The following ABCA5 variants were observed in gnomAD, a reference collection of about 807,000 sequenced individuals.
The protein encoded by ABCA5 is cholesterol transporter ABCA5.
ABCA5 carries 163 observed loss-of-function variants against 206.0 expected under a neutral mutation model. The observed-to-expected ratio is 0.79, with a 90% CI of 0.70 to 0.90. The LOEUF (loss-of-function observed/expected upper bound fraction) is 0.90, where lower values mean the gene tolerates loss of function less well. Ranked by LOEUF, ABCA5 falls within the 40% of genes least tolerant of loss-of-function variation. ABCA5 has a pLI of 0.00. For missense variants in ABCA5, 1,859 were observed against 1,912.9 expected (o/e 0.97, Z 0.53); for synonymous variants, 609 against 613.8 (o/e 0.99, Z 0.11).
chr17:69,295,789 T>G (rs548514620), intron 10 of ABCA5, among the ~76,000 whole-genome samples: 23 of 152,324 alleles, frequency 1.5e-4, no homozygotes, highest in Admixed American at 1.5e-3. Context: ...AACATTTGTT[T>G]TTGGTATTTC....
At chr17:69,294,366 ACAAAAATT>A (rs2075562813) in intron 11 of ABCA5, among the ~76,000 whole-genome samples, 1 of 151,970 alleles carries the variant, frequency 6.6e-6, no homozygotes, top group Admixed American at 6.6e-5. Context: ...CCACAAAAAT[ACAAAAATT>A]AGCTGGGCAT....
At chr17:69,308,057 T>A (rs1227945345) in intron 5 of ABCA5, among the ~76,000 whole-genome samples, 1 of 152,156 alleles carries the variant, frequency 6.6e-6, no homozygotes, top group African/African-American at 2.4e-5. Flanking sequence ...GTAAGATTTT[T>A]AAAAATAAAT....
chr17:69,260,032 A>G (rs1375645890), intron 27 of ABCA5, among the ~76,000 whole-genome samples: 1 of 151,910 alleles, frequency 6.6e-6, no homozygotes, highest in East Asian at 1.9e-4. Flanking sequence ...CCTCTGTATC[A>G]TTCATTTATT....
chr17:69,302,104 T>C (rs542154829), intron 8 of ABCA5, among the ~76,000 whole-genome samples: 1 of 152,316 alleles, frequency 6.6e-6, no homozygotes, highest in Admixed American at 6.5e-5. Context: ...TAATTTCTTA[T>C]ATTTAGTAAT....
At chr17:69,259,467 T>C (rs2075121103) in intron 28 of ABCA5, among the ~76,000 whole-genome samples, 1 of 152,010 alleles carries the variant, frequency 6.6e-6, no homozygotes, top group Admixed American at 6.6e-5. Context: ...TTCCAAAGCA[T>C]ATTTCCATTG....
intron 19 of ABCA5, 134 bp downstream of exon 19, chr17:69,277,507 G>A (rs2075346762): frequency 3.0e-6 from 2 of 660,862 alleles, no homozygotes; most frequent in African/African-American, 1.9e-5. Context: ...CTAACATTGT[G>A]AAATTACAGT....
intron 22 of ABCA5, 147 bp downstream of exon 22, chr17:69,270,466 G>T: frequency 1.5e-6 from 1 of 679,696 alleles, no homozygotes; most frequent in Non-Finnish European, 2.4e-6. Context: ...AAACCTTAAT[G>T]TAAACCGTTT....
chr17:69,316,895 A>G (rs944824499), intron 1 of ABCA5: 2 of 152,234 alleles, frequency 1.3e-5, no homozygotes, highest in Non-Finnish European at 2.9e-5. Context: ...AGATGCTGAG[A>G]AAAACAGTTT....
intron 19 of ABCA5, among the ~76,000 whole-genome samples, chr17:69,274,580 A>G (rs1235901670): frequency 2.0e-5 from 3 of 151,820 alleles, no homozygotes; most frequent in African/African-American, 7.3e-5. Flanking sequence ...GAAAAAAACA[A>G]AGAAAAAAAA....
At position 69,289,909 on chromosome 17, in the gene ABCA5, T is replaced by C; in HGVS notation, c.1735A>G (p.Ile579Val). Residue 579 changes from isoleucine (I) to valine (V), a missense_variant, in exon 13 of 39, where the codon ATT becomes GTT. Transcript: ENST00000392676. ...GGTATCCCTTTGATTGAAGCCAAAA[T>C]TGATAAATTTTCTTCTACTGTCAAA... ...DVLTVEENLS[I>V]LASIKGIPAN... 1 of 1,611,924 alleles carries C rather than the reference T, an allele frequency of 6.2e-7. No individual in the cohort carries two copies. The highest frequency in any genetic ancestry group is 1.3e-5 in the African/African-American group (1 of 75,006).
intron 9 of ABCA5, 101 bp from the exon 10 acceptor site, chr17:69,297,460 C>G (rs1598189655): frequency 5.0e-6 from 5 of 1,005,066 alleles, no homozygotes; most frequent in African/African-American, 3.3e-5. Flanking sequence ...AGTTTAGGTA[C>G]CATTCCGCAA....
At chr17:69,261,600 T>C (rs1021702841) in intron 25 of ABCA5, 35 bp downstream of exon 25, 1 of 944,778 alleles carries the variant, frequency 1.1e-6, no homozygotes, top group South Asian at 1.6e-5. Flanking sequence ...ATTAAACTGC[T>C]ATGGAAAGTT....
chr17:69,277,767 A>G lies in ABCA5; in HGVS notation c.2468T>C (p.Leu823Ser), dbSNP rs1388997266. Residue 823 changes from leucine to serine, a missense_variant, in exon 19 of 39, where the codon TTA becomes TCA. Leu to Ser is a moderately radical substitution (Grantham distance 145, BLOSUM62 -2). Transcript: ENST00000392676. ...AGCCTTGGTTTCAGAAAGAATAAGTAAGCTCTGTTCCATTTCATCAAAAGA... is the reference window on the plus strand; with the variant it reads ...AGCCTTGGTTTCAGAAAGAATAAGTGAGCTCTGTTCCATTTCATCAAAAGA... ...SKSFDEMEQS[L>S]LILSETKAAL... 6.2e-7 allele frequency: 1 copy of G among 1,606,226 alleles called. No homozygotes were observed. The highest frequency in any genetic ancestry group is 8.5e-7 in the Non-Finnish European group (1 of 1,177,458).
intron 10 of ABCA5, 105 bp from the exon 11 acceptor site, chr17:69,294,818 A>ATTCTT: frequency 1.6e-6 from 1 of 617,386 alleles, no homozygotes; most frequent in Non-Finnish European, 2.6e-6. Flanking sequence ...TTATAAGAAT[A>ATTCTT]ATAAAATAAT....
rs746999126 is a variant in ABCA5, at chr17:69,261,196, T to G, written c.3493A>C (p.Ile1165Leu). ...ATGATACAAAAGGCATAATGAAGAA[T>G]AGTTGCAATTGTGTATCCCATAAAG... Reference protein sequence around the residue: ...TFFMGYTIATILHYAFCIIIP... With the variant: ...TFFMGYTIATLLHYAFCIIIP... Residue 1165 changes from isoleucine (I) to leucine (L), a missense_variant, in exon 26 of 39, where the codon ATT (isoleucine) becomes CTT (leucine). By Grantham distance (5) the Ile-to-Leu change is conservative. Transcript: ENST00000392676. The G allele has an allele frequency of 1.5e-5, 24 of 1,609,262 alleles. No individual in the cohort carries two copies. The highest frequency in any genetic ancestry group is 1.7e-4 in the Middle Eastern group (1 of 6,048).
At position 69,306,936 on chromosome 17, in the gene ABCA5, G is replaced by T. The variant is rs751717780; in HGVS notation, c.577C>A (p.Leu193Ile). Residue 193 changes from leucine (L) to isoleucine (I), a missense_variant, in exon 6 of 39, where the codon CTT becomes ATT. Transcript: ENST00000392676. ...TTAGTTGACTCCAGCTCCTTCCAAAGAGAAACATTGGTCTTCAACTATAAT... is the reference window on the plus strand; with the variant it reads ...TTAGTTGACTCCAGCTCCTTCCAAATAGAAACATTGGTCTTCAACTATAAT... Reference protein sequence around the residue: ...AIIQLKTNVSLWKELESTKAV... With the variant: ...AIIQLKTNVSIWKELESTKAV... 1 of 1,551,344 alleles carries T rather than the reference G, an allele frequency of 6.4e-7. No individual in the cohort carries two copies. The highest frequency in any genetic ancestry group is 1.4e-5 in the African/African-American group (1 of 71,722).
chr17:69,250,120 A>G (rs1373575847), intron 36 of ABCA5, 136 bp from the exon 37 acceptor site: 1 of 612,188 alleles, frequency 1.6e-6, no homozygotes, highest in Admixed American at 3.8e-5. Flanking sequence ...AAAATTGTTT[A>G]AAATAATAAC....
intron 11 of ABCA5, among the ~76,000 whole-genome samples, chr17:69,294,432 G>C (rs577508287): frequency 2.0e-5 from 3 of 152,088 alleles, no homozygotes; most frequent in South Asian, 2.1e-4. Context: ...TAAGGCAGGC[G>C]AATCACTTGA....
At chr17:69,281,364 C>G (rs1423987374) in intron 18 of ABCA5, among the ~76,000 whole-genome samples, 1 of 151,842 alleles carries the variant, frequency 6.6e-6, no homozygotes, top group Non-Finnish European at 1.5e-5. Flanking sequence ...GATATTAAAA[C>G]AAATTTGGGA....
Sources: allele counts gnomAD v4.1 joint callset (sites outside exome capture counted in the v4.1 genomes callset), GRCh38; gene constraint gnomAD v4.1.1; transcripts MANE v1.5; gene names NCBI Gene and HGNC (gene_info 2026-07-23, HGNC 2026-07-21).